The following S1PR3 variants were observed in gnomAD, a reference collection of about 807,000 sequenced individuals.
S1PR3 encodes the protein sphingosine-1-phosphate receptor 3.
In S1PR3, 12 loss-of-function variants were observed where a neutral mutation model predicts 13.3. The observed-to-expected ratio is 0.90, with a 90% CI of 0.58 to 1.46. The LOEUF is 1.46. Among genes scored for constraint, S1PR3 ranks in the 40% most tolerant of loss-of-function variants. The probability of loss-of-function intolerance (pLI) is 0.00; values close to 1 mark genes in which losing one functional copy is unlikely to be tolerated. For missense variants in S1PR3, 450 were observed against 501.9 expected, an observed-to-expected ratio of 0.90 and a Z score of 0.99; for synonymous variants, 232 against 214.0, an observed-to-expected ratio of 1.08 and a Z score of -0.73.
intron 1 of S1PR3, chr9:88,992,079 A>T: frequency 6.5e-7 from 1 of 1,547,052 alleles, no homozygotes; most frequent in Non-Finnish European, 8.8e-7. Context: ...TCTTTTAAAC[A>T]ATATTCGCCG....
chr9:89,001,826 T>G lies in S1PR3; in HGVS notation c.626T>G (p.Val209Gly), dbSNP rs947806023. The change falls in exon 2 of 2, where the codon GTG becomes GGG. Residue 209 changes from valine to glycine, a missense_variant. Val to Gly is a moderately radical substitution (Grantham distance 109). Transcript: ENST00000358157. ...FCISIFTAILVTIVILYARIY... is the reference protein window; with the variant it reads ...FCISIFTAILGTIVILYARIY... ...ATCAGCATCTTCACGGCCATCCTGGTGACCATCGTGATCCTCTACGCACGC... is the reference window on the plus strand; with the variant it reads ...ATCAGCATCTTCACGGCCATCCTGGGGACCATCGTGATCCTCTACGCACGC... 1.2e-6 allele frequency: 2 copies of G among 1,614,142 alleles called. No homozygotes were observed. The highest frequency in any genetic ancestry group is 2.7e-5 in the African/African-American group (2 of 74,958).
At chr9:88,992,134 G>A (rs1825728485) in intron 1 of S1PR3, 1 of 1,149,592 alleles carries the variant, frequency 8.7e-7, no homozygotes, top group Non-Finnish European at 1.2e-6. Context: ...GGCAATTAGG[G>A]CCGTCAGAAT....
rs773035093 is a variant in S1PR3 at position 89,002,116 on chromosome 9, C to G, written c.916C>G (p.Arg306Gly). 2.5e-6 allele frequency: 4 copies of G among 1,613,822 alleles called. No homozygotes were observed. Among genetic ancestry groups the G allele is most frequent in the African/African-American group, 1.3e-5 (1 of 75,028 alleles). ...CTACACGCTGGCCAGCAAGGAGATG[C>G]GGCGGGCCTTCTTCCGTCTGGTCTG... ...VIYTLASKEM[R>G]RAFFRLVCNC... is the part of the protein sequence containing the mutation. Residue 306 changes from arginine (R) to glycine (G), a missense_variant, in exon 2 of 2, where the codon CGG becomes GGG. Coordinates refer to ENST00000358157, the MANE Select transcript of S1PR3 (RefSeq NM_005226.4).
rs528291833 is a variant in S1PR3 at position 88,995,262 on chromosome 9, G to A, written c.-148+3567G>A. 6.0e-5 allele frequency: 10 copies of A among 167,048 alleles called. No individual in the cohort carries two copies. The South Asian group carries it at 1.9e-3, about 31-fold the overall frequency. 10.3% of individuals were successfully genotyped at this position (167,048 alleles called of 1,614,324 possible). On this transcript the variant is annotated intron_variant, in intron 1 of 1. Coordinates refer to ENST00000358157, the MANE Select transcript of S1PR3 (RefSeq NM_005226.4). ...ATCTTATTGTGCCTATCTTTTATGCGGAGAGAGAAAGGGGGGTGTTGGGAA... is the reference window on the plus strand; with the variant it reads ...ATCTTATTGTGCCTATCTTTTATGCAGAGAGAGAAAGGGGGGTGTTGGGAA...
chr9:88,991,790 G>T lies in S1PR3; in HGVS notation c.-148+95G>T. ...AACAAAATCCCCACCGATCCCGGGC[G>T]CGACGGGGACTTGGGCGCGCCACGG... On this transcript the variant is annotated intron_variant, in intron 1 of 1. Coordinates refer to ENST00000358157, the MANE Select transcript of S1PR3 (RefSeq NM_005226.4). The surrounding 1 kb of genome is among the most constrained non-coding windows in gnomAD (Gnocchi z 4.0). 6.3e-7 allele frequency: 1 copy of T among 1,596,294 alleles called. No individual in the cohort carries two copies. Among genetic ancestry groups the T allele is most frequent in the Non-Finnish European group, 8.5e-7 (1 of 1,170,854 alleles).
Position 89,002,174 on chromosome 9 carries a change from C to T in S1PR3, c.974C>T (p.Ala325Val). 1 of 1,613,888 alleles carries T rather than the reference C, an allele frequency of 6.2e-7. No individual in the cohort carries two copies. The highest frequency in any genetic ancestry group is 8.5e-7 in the Non-Finnish European group (1 of 1,180,002). The change falls in exon 2 of 2, where the codon GCC (alanine) becomes GTC (valine). Residue 325 changes from alanine to valine, a missense_variant. Ala to Val is a moderately conservative substitution (Grantham distance 64, BLOSUM62 0). Coordinates refer to ENST00000358157, the MANE Select transcript of S1PR3 (RefSeq NM_005226.4). The part of the protein sequence containing the change: ...NCLVRGRGAR[A>V]SPIQPALDPS... ...CTGGTCAGGGGACGGGGGGCCCGCG[C>T]CTCACCCATCCAGCCTGCGCTCGAC...
rs1825911904 is a variant in S1PR3 at position 89,004,607 on chromosome 9, T to G, written c.*2270T>G. On this transcript the variant is annotated 3_prime_UTR_variant, in exon 2 of 2. Coordinates refer to ENST00000358157, the MANE Select transcript of S1PR3 (RefSeq NM_005226.4). ...CCCTGATGTCCGCAGTATCTAAGTA[T>G]CTCAGCCTTCATCCATTAACTCTAC... 1 of 167,082 alleles carries G rather than the reference T, an allele frequency of 6.0e-6. No homozygotes were observed. Among genetic ancestry groups the G allele is most frequent in the Non-Finnish European group, 1.5e-5 (1 of 68,128 alleles). 10.3% of individuals were successfully genotyped at this position (167,082 alleles called of 1,614,324 possible). A position where few individuals can be genotyped will look rare whatever the true frequency, so the allele number is the denominator to read the frequency against.
intron 1 of S1PR3, chr9:89,000,799 A>G (rs1184071281): frequency 4.4e-6 from 1 of 225,136 alleles, no homozygotes; most frequent in East Asian, 1.1e-4. Context: ...GGGTCTGTGT[A>G]TCTTTGTTAC....
rs978012944 is a variant in S1PR3 at position 89,001,707 on chromosome 9, C to A, written c.507C>A (p.Gly169=). The change falls in exon 2 of 2, where the codon GGC becomes GGA. Residue 169 remains glycine, a synonymous_variant. Coordinates refer to ENST00000358157, the MANE Select transcript of S1PR3 (RefSeq NM_005226.4). ...GMCWLIAFTL[G]ALPILGWNCL... Reference sequence around the variant, plus strand: ...GCTGGCTCATTGCCTTCACGCTGGGCGCCCTGCCCATTCTGGGCTGGAACT... The same window carrying A: ...GCTGGCTCATTGCCTTCACGCTGGGAGCCCTGCCCATTCTGGGCTGGAACT... 1.1e-5 allele frequency: 18 copies of A among 1,614,218 alleles called. No homozygotes were observed. The highest frequency in any genetic ancestry group is 1.5e-5 in the Non-Finnish European group (18 of 1,180,048).
chr9:88,990,875 G>A, upstream of S1PR3: 3 of 1,227,280 alleles, frequency 2.4e-6, no homozygotes, highest in South Asian at 4.5e-5. Flanking sequence ...AGCGCGGAGA[G>A]GGACCAGGCA....
Position 89,002,577 on chromosome 9 carries a change from T to C in S1PR3, c.*240T>C. 1.7e-6 allele frequency: 1 copy of C among 576,924 alleles called. No homozygotes were observed. The highest frequency in any genetic ancestry group is 3.1e-5 in the Admixed American group (1 of 32,538). The allele number at this position is 576,924 out of a possible 1,614,324, so 35.7% of individuals were successfully genotyped here. Reference sequence around the variant, plus strand: ...CAGATGTACTAAGCTGCTGACATCATCCACTGCCTTCTGCTGCATCCTAGA... The same window carrying C: ...CAGATGTACTAAGCTGCTGACATCACCCACTGCCTTCTGCTGCATCCTAGA... On this transcript the variant is annotated 3_prime_UTR_variant, in exon 2 of 2. Coordinates refer to ENST00000358157, the MANE Select transcript of S1PR3 (RefSeq NM_005226.4).
intron 1 of S1PR3, chr9:88,996,207 G>A (rs1175405136): frequency 6.6e-6 from 1 of 152,228 alleles, no homozygotes; most frequent in Non-Finnish European, 1.5e-5. Context: ...TTGCAAGATG[G>A]GCTGGCTGGG....
Position 89,003,045 on chromosome 9 carries a change from C to T in S1PR3, c.*708C>T, listed in dbSNP as rs1285854273. The T allele has an allele frequency of 3.0e-5, 5 of 167,212 alleles. No individual in the cohort carries two copies. The highest frequency in any genetic ancestry group is 9.6e-5 in the African/African-American group (4 of 41,576). 10.4% of individuals were successfully genotyped at this position (167,212 alleles called of 1,614,324 possible). A position where few individuals can be genotyped will look rare whatever the true frequency, so the allele number is the denominator to read the frequency against. The stretch of plus-strand genomic sequence containing the variant: ...CTGTCCTTTCAGTCATTTGTCCCTG[C>T]GTAATTTTAATCGTATTCCAAAGCC... On this transcript the variant is annotated 3_prime_UTR_variant, in exon 2 of 2. Coordinates refer to ENST00000358157, the MANE Select transcript of S1PR3 (RefSeq NM_005226.4).
Position 89,002,349 on chromosome 9 carries a change from C to T in S1PR3, c.*12C>T, listed in dbSNP as rs372699188. ...TCTTCTGCAACTGATCGTCTCCATG[C>T]GCCCTGCTCTGCGGCTGTGTTCTTA... is the stretch of plus-strand genomic sequence containing the variant. On this transcript the variant is annotated 3_prime_UTR_variant, in exon 2 of 2. Transcript: ENST00000358157. The T allele has an allele frequency of 5.7e-5, 92 of 1,612,126 alleles. No homozygotes were observed. The highest frequency in any genetic ancestry group is 4.3e-4 in the African/African-American group (32 of 75,012).
chr9:89,004,074 G>A lies in S1PR3; in HGVS notation c.*1737G>A. ...CATGAGAAAACACAGGGCATTTCTA[G>A]GACAGTAAAACGTTAAAGTACTGGA... On this transcript the variant is annotated 3_prime_UTR_variant, in exon 2 of 2. Coordinates refer to ENST00000358157, the MANE Select transcript of S1PR3 (RefSeq NM_005226.4). 6.0e-6 allele frequency: 1 copy of A among 166,504 alleles called. No homozygotes were observed. The allele number at this position is 166,504 out of a possible 1,614,324, so 10.3% of individuals were successfully genotyped here. A position where few individuals can be genotyped will look rare whatever the true frequency, so the allele number is the denominator to read the frequency against.
chr9:89,002,162 G>C lies in S1PR3; in HGVS notation c.962G>C (p.Arg321Pro), dbSNP rs138065168. Residue 321 changes from arginine to proline, a missense_variant, in exon 2 of 2, where the codon CGG becomes CCG. By Grantham distance (103) the Arg-to-Pro change is moderately radical. Coordinates refer to ENST00000358157, the MANE Select transcript of S1PR3 (RefSeq NM_005226.4). ...GTCTGCAACTGCCTGGTCAGGGGACGGGGGGCCCGCGCCTCACCCATCCAG... is the reference window on the plus strand; with the variant it reads ...GTCTGCAACTGCCTGGTCAGGGGACCGGGGGCCCGCGCCTCACCCATCCAG... ...RLVCNCLVRGRGARASPIQPA... is the reference protein window; with the variant it reads ...RLVCNCLVRGPGARASPIQPA... 83 of 1,613,720 alleles carry C rather than the reference G, an allele frequency of 5.1e-5. No homozygotes were observed. The highest frequency in any genetic ancestry group is 4.7e-4 in the South Asian group (43 of 91,066).
rs749022826 is a variant in S1PR3 at position 89,001,209 on chromosome 9, T to C, written c.9T>C (p.Thr3=). Residue 3 remains threonine, a synonymous_variant, in exon 2 of 2, where the codon ACT becomes ACC. Coordinates refer to ENST00000358157, the MANE Select transcript of S1PR3 (RefSeq NM_005226.4). ...TCTGTGAATGCCAAGTGATGGCAAC[T>C]GCCCTCCCGCCGCGTCTCCAGCCGG... is the stretch of plus-strand genomic sequence containing the variant. The part of the protein sequence containing the change: MA[T]ALPPRLQPVR... 2 of 1,612,420 alleles carry C rather than the reference T, an allele frequency of 1.2e-6. No homozygotes were observed. Among genetic ancestry groups the C allele is most frequent in the Non-Finnish European group, 1.7e-6 (2 of 1,178,736 alleles).
At position 88,991,838 on chromosome 9, in the gene S1PR3, C is replaced by T; in HGVS notation, c.-148+143C>T. 6.2e-7 allele frequency: 1 copy of T among 1,613,208 alleles called. No individual in the cohort carries two copies. Among genetic ancestry groups the T allele is most frequent in the Middle Eastern group, 1.7e-4 (1 of 6,060 alleles). Reference sequence around the variant, plus strand: ...CGGCGGCCGGAGCGCTCCACATCAGCACCCCTCCCCCAGAGCCGCTGCAGG... The same window carrying T: ...CGGCGGCCGGAGCGCTCCACATCAGTACCCCTCCCCCAGAGCCGCTGCAGG... On this transcript the variant is annotated intron_variant, in intron 1 of 1. Transcript: ENST00000358157. This position sits in a 1 kb window ranked among gnomAD's most constrained non-coding sequence, Gnocchi z 4.0.
intron 1 of S1PR3, chr9:88,996,433 G>A (rs1239623069): frequency 1.3e-5 from 2 of 152,234 alleles, no homozygotes; most frequent in Admixed American, 6.5e-5. Flanking sequence ...AGAGGGTAGT[G>A]TATCTACCCA....
Sources: allele counts gnomAD v4.1 joint callset, GRCh38; gene constraint gnomAD v4.1.1; non-coding constraint Gnocchi (gnomAD v3.1); transcripts MANE v1.5; gene names NCBI Gene and HGNC (gene_info 2026-07-23, HGNC 2026-07-21).